Variants in AFAP1 observed in about 807,000 individuals in gnomAD.
AFAP1 encodes the protein actin filament associated protein 1, also known as actin filament-associated protein 1.
A neutral mutation model predicts 93.9 loss-of-function variants in AFAP1; 75 were observed. The observed-to-expected ratio is 0.80, with a 90% CI of 0.66 to 0.97. AFAP1 has a LOEUF of 0.97. Among genes scored for constraint, AFAP1 ranks in the 50% least tolerant of loss-of-function variants. The pLI is 0.00. For synonymous variants in AFAP1, 517 were observed against 430.7 expected (o/e 1.20, Z -2.48); for missense variants, 1,201 against 1,050.8 (o/e 1.14, Z -1.98).
rs913074206 is a variant in AFAP1, at chr4:7,805,202, C to T, written c.1054+4412G>A. Among the ~76,000 whole-genome samples, 13 of 152,294 alleles carry T rather than the reference C, an allele frequency of 8.5e-5. No individual in the cohort carries two copies. The East Asian group carries it at 1.5e-3, about 18-fold the overall frequency. The stretch of plus-strand genomic sequence containing the variant: ...AGCTGCATGCTACAGTGCCTGGCTT[C>T]GTCTACTTTTCGTGGAGGTGGATTA... On this transcript the variant is annotated intron_variant, in intron 9 of 17. Transcript: ENST00000420658.
intron 6 of AFAP1, among the ~76,000 whole-genome samples, chr4:7,827,136 G>T (rs1479211710): frequency 6.6e-6 from 1 of 152,092 alleles, no homozygotes; most frequent in Non-Finnish European, 1.5e-5. Flanking sequence ...CAGGAGAGAA[G>T]AGGACCCGTA....
intron 1 of AFAP1, among the ~76,000 whole-genome samples, chr4:7,907,437 C>T (rs1719475570): frequency 6.6e-6 from 1 of 152,188 alleles, no homozygotes; most frequent in Admixed American, 6.5e-5. Context: ...AGGCCTTAAA[C>T]ATCAGATGGC....
intron 1 of AFAP1, among the ~76,000 whole-genome samples, chr4:7,927,109 G>A (rs981906296): frequency 6.6e-6 from 1 of 152,226 alleles, no homozygotes; most frequent in Non-Finnish European, 1.5e-5. Flanking sequence ...CAGGCTTGAA[G>A]AATCCCTGTT....
intron 6 of AFAP1, among the ~76,000 whole-genome samples, chr4:7,830,814 TC>T (rs1412936313): frequency 6.6e-6 from 1 of 152,062 alleles, no homozygotes; most frequent in Non-Finnish European, 1.5e-5. Context: ...TTGCTATTTT[TC>T]CCAGGCTGGT....
intron 10 of AFAP1, among the ~76,000 whole-genome samples, chr4:7,798,310 G>T (rs1198895232): frequency 1.5e-5 from 2 of 137,716 alleles, no homozygotes; most frequent in African/African-American, 5.3e-5. Context: ...CAACCCTATT[G>T]GCTGGCTCAC....
At chr4:7,807,977 G>T (rs1156241465) in intron 9 of AFAP1, among the ~76,000 whole-genome samples, 2 of 152,320 alleles carry the variant, frequency 1.3e-5, no homozygotes, top group East Asian at 1.9e-4. Flanking sequence ...TGTGTGTATA[G>T]CCCCATTTAG....
chr4:7,821,040 C>T (rs563834385), intron 6 of AFAP1, among the ~76,000 whole-genome samples: 2 of 152,260 alleles, frequency 1.3e-5, no homozygotes, highest in Admixed American at 6.5e-5. Context: ...ATCTCTTGAA[C>T]CCAGGAGGCA....
At chr4:7,800,835 A>C (rs567569374) in intron 9 of AFAP1, among the ~76,000 whole-genome samples, 182 bp from the exon 10 acceptor site, 1 of 152,294 alleles carries the variant, frequency 6.6e-6, no homozygotes, top group East Asian at 1.9e-4. Context: ...ACGGCATCAC[A>C]AGTTTTGGGG....
chr4:7,825,634 A>G (rs910020314), intron 6 of AFAP1, among the ~76,000 whole-genome samples: 1 of 152,214 alleles, frequency 6.6e-6, no homozygotes, highest in African/African-American at 2.4e-5. Flanking sequence ...TGCATAAGGA[A>G]AAAAGGCTAA....
chr4:7,771,660 G>A (rs978157164), intron 16 of AFAP1, among the ~76,000 whole-genome samples: 1 of 152,200 alleles, frequency 6.6e-6, no homozygotes, highest in Admixed American at 6.5e-5. Flanking sequence ...AGGGCCTAGA[G>A]AAGTCAAGTC....
intron 8 of AFAP1, among the ~76,000 whole-genome samples, chr4:7,814,693 G>C (rs1478243210): frequency 6.6e-6 from 1 of 152,180 alleles, no homozygotes; most frequent in Non-Finnish European, 1.5e-5. Context: ...ATGCTTCCAC[G>C]TTATGACATT....
intron 1 of AFAP1, among the ~76,000 whole-genome samples, chr4:7,912,911 G>C (rs1487975556): frequency 6.6e-6 from 1 of 152,084 alleles, no homozygotes; most frequent in African/African-American, 2.4e-5. Context: ...GCAATGACAA[G>C]ATCATAGCTC....
chr4:7,862,840 T>A (rs1338014743), intron 3 of AFAP1, among the ~76,000 whole-genome samples: 1 of 152,124 alleles, frequency 6.6e-6, no homozygotes, highest in Non-Finnish European at 1.5e-5. Context: ...TGCCCTTTTT[T>A]CTCCTGAGCC....
At chr4:7,880,700 G>A (rs1194260558) in intron 1 of AFAP1, among the ~76,000 whole-genome samples, 3 of 152,216 alleles carry the variant, frequency 2.0e-5, no homozygotes, top group Non-Finnish European at 4.4e-5. Context: ...CAGTCAAAGC[G>A]TTCCTTGCTG....
intron 1 of AFAP1, among the ~76,000 whole-genome samples, chr4:7,900,469 A>C (rs1719054721): frequency 6.6e-6 from 1 of 152,224 alleles, no homozygotes; most frequent in Non-Finnish European, 1.5e-5. Flanking sequence ...GATGTGAGGA[A>C]ACCAACACAA....
At chr4:7,779,126 T>A in intron 13 of AFAP1, 1 of 445,188 alleles carries the variant, frequency 2.2e-6, no homozygotes, top group Non-Finnish European at 4.0e-6. Context: ...ACTGCAGAAG[T>A]GGCCCCTTTC....
chr4:7,933,881 T>G (rs1721239478), intron 1 of AFAP1, among the ~76,000 whole-genome samples: 1 of 152,232 alleles, frequency 6.6e-6, no homozygotes, highest in South Asian at 2.1e-4. Flanking sequence ...CACGTCAGAC[T>G]TCTACCCCAC....
chr4:7,845,920 C>A (rs771914225), intron 4 of AFAP1, among the ~76,000 whole-genome samples: 65 of 152,142 alleles, frequency 4.3e-4, no homozygotes, highest in Non-Finnish European at 7.5e-4. Flanking sequence ...GGGCAAAATG[C>A]AAGCTGTCAT....
At chr4:7,829,149 T>C (rs1419619937) in intron 6 of AFAP1, among the ~76,000 whole-genome samples, 1 of 152,218 alleles carries the variant, frequency 6.6e-6, no homozygotes, top group Non-Finnish European at 1.5e-5. Context: ...TCCCCAGCCA[T>C]GTGGAACTGT....
Sources: gnomAD v4.1 joint callset for allele counts (sites outside exome capture counted in the v4.1 genomes callset) on GRCh38, gnomAD v4.1.1 for gene constraint, MANE v1.5 for transcripts, NCBI Gene and HGNC (gene_info 2026-07-23, HGNC 2026-07-21) for gene names.